SYNC: variants seen among roughly 807,000 people sequenced by gnomAD.
The protein encoded by SYNC is syncoilin, intermediate filament protein.
SYNC carries 38 observed loss-of-function variants against 49.5 expected under a neutral mutation model. The ratio of observed to expected loss-of-function variants is 0.77; its 90% CI spans 0.59 to 1.01. The LOEUF (loss-of-function observed/expected upper bound fraction) is 1.01. Ranked by LOEUF, SYNC falls within the 50% of genes least tolerant of loss-of-function variation. The pLI is 0.00. For synonymous variants in SYNC, 201 were observed against 230.8 expected (o/e 0.87, Z 1.17); for missense variants, 579 against 580.6 (o/e 1.00, Z 0.03).
rs770914750 is a variant in SYNC at position 32,702,650 on chromosome 1, G to C, written c.11C>G (p.Pro4Arg). Reference sequence around the variant, plus strand: ...GCCGTCCCCGCCGCGCCGGGGCTCCGGGCTGGCCATGGCTGCGCGACCCCG... The same window carrying C: ...GCCGTCCCCGCCGCGCCGGGGCTCCCGGCTGGCCATGGCTGCGCGACCCCG... MAS[P>R]EPRRGGDGAA... Residue 4 changes from proline (P) to arginine (R), a missense_variant, in exon 1 of 5, where the codon CCG becomes CGG. Transcript: ENST00000409190. The surrounding 1 kb of genome is among the most constrained non-coding windows in gnomAD (Gnocchi z 6.2). 1.3e-3 allele frequency: 1,517 copies of C among 1,207,870 alleles called. 8 individuals are homozygous for C. Among genetic ancestry groups the C allele is most frequent in the Non-Finnish European group, 7.4e-4 (723 of 973,188 alleles). The allele number at this position is 1,207,870 out of a possible 1,614,324, so 74.8% of individuals were successfully genotyped here. A position where few individuals can be genotyped will look rare whatever the true frequency, so the allele number is the denominator to read the frequency against.
chr1:32,680,678 G>A lies in SYNC; in HGVS notation c.*1172C>T, dbSNP rs759487344. 1 of 785,622 alleles carries A rather than the reference G, an allele frequency of 1.3e-6. No individual in the cohort carries two copies. Among genetic ancestry groups the A allele is most frequent in the Middle Eastern group, 2.8e-4 (1 of 3,528 alleles). 48.7% of individuals were successfully genotyped at this position (785,622 alleles called of 1,614,324 possible). A position where few individuals can be genotyped will look rare whatever the true frequency, so the allele number is the denominator to read the frequency against. ...ACCCCATGCTGATGGGTTTTATTTA[G>A]TATAAAACATCCATCAAACACCAGT... On this transcript the variant is annotated 3_prime_UTR_variant, in exon 5 of 5. Transcript: ENST00000409190.
At position 32,695,050 on chromosome 1, in the gene SYNC, G is replaced by A; in HGVS notation, c.1048C>T (p.Leu350Phe). ...EEEYEPQFLR[L>F]LERKEAGTKA... is the part of the protein sequence containing the mutation. ...GTCCCAGCTTCTTTCCTCTCTAGGA[G>A]CCGCAGGAACTGAGGCTCATACTCC... Residue 350 changes from leucine to phenylalanine, a missense_variant, in exon 2 of 5, where the codon CTC becomes TTC. Transcript: ENST00000409190. 1.2e-6 allele frequency: 2 copies of A among 1,613,686 alleles called. No individual in the cohort carries two copies. The highest frequency in any genetic ancestry group is 1.7e-6 in the Non-Finnish European group (2 of 1,179,972).
intron 2 of SYNC, among the ~76,000 whole-genome samples, chr1:32,693,457 A>G (rs894933903): frequency 2.0e-5 from 3 of 152,238 alleles, no homozygotes; most frequent in African/African-American, 7.2e-5. Flanking sequence ...CCATTTCAAC[A>G]GGGAAACTTG....
chr1:32,681,831 C>A lies in SYNC; in HGVS notation c.*19G>T. ...GAAGTTTTTTGCTGTTTCCGGGTTA[C>A]AGATTTGGCCATATATTTCTAAACA... On this transcript the variant is annotated 3_prime_UTR_variant, in exon 5 of 5. Transcript: ENST00000409190. 1.2e-6 allele frequency: 2 copies of A among 1,614,128 alleles called. No homozygotes were observed. The highest frequency in any genetic ancestry group is 2.2e-5 in the East Asian group (1 of 44,882).
chr1:32,681,706 G>T lies in SYNC; in HGVS notation c.*144C>A. 7.6e-7 allele frequency: 1 copy of T among 1,310,898 alleles called. No homozygotes were observed. Among genetic ancestry groups the T allele is most frequent in the Non-Finnish European group, 1.1e-6 (1 of 917,172 alleles). 81.2% of individuals were successfully genotyped at this position (1,310,898 alleles called of 1,614,324 possible). On this transcript the variant is annotated 3_prime_UTR_variant, in exon 5 of 5. Transcript: ENST00000409190. ...AGAATCTTTTTAAGCAGGTCAGCCA[G>T]TATTTGCAACTTCCACAGGATGAAT...
At position 32,702,453 on chromosome 1, in the gene SYNC, C is replaced by T. The variant is rs1259282583; in HGVS notation, c.53+155G>A. On this transcript the variant is annotated intron_variant, in intron 1 of 4. Coordinates refer to ENST00000409190, the MANE Select transcript of SYNC (RefSeq NM_030786.3). This position sits in a 1 kb window ranked among gnomAD's most constrained non-coding sequence, Gnocchi z 6.2. Reference sequence around the variant, plus strand: ...CAGGACCCCGGGACGGCCCGACTCCCCGATGTCCCCTCACGAGGCGGCTCC... The same window carrying T: ...CAGGACCCCGGGACGGCCCGACTCCTCGATGTCCCCTCACGAGGCGGCTCC... 6.6e-6 allele frequency among the ~76,000 whole-genome samples: 1 copy of T among 152,162 alleles called. No individual in the cohort carries two copies. Among genetic ancestry groups the T allele is most frequent in the East Asian group, 1.9e-4 (1 of 5,172 alleles).
At position 32,684,461 on chromosome 1, in the gene SYNC, T is replaced by G. The variant is rs1570894775; in HGVS notation, c.1234-79A>C. The G allele has an allele frequency of 2.5e-6, 4 of 1,592,802 alleles. No homozygotes were observed. The South Asian group carries it at 4.5e-5, about 18-fold the overall frequency. On this transcript the variant is annotated intron_variant, in intron 2 of 4. Transcript: ENST00000409190. ...TTGTCCACTCTTACTTATAAAACAC[T>G]TTTTTGTTCATTGTTTAATCTTGAT...
At position 32,695,838 on chromosome 1, in the gene SYNC, T is replaced by G; in HGVS notation, c.260A>C (p.Glu87Ala). 1 of 1,551,942 alleles carries G rather than the reference T, an allele frequency of 6.4e-7. No individual in the cohort carries two copies. Among genetic ancestry groups the G allele is most frequent in the African/African-American group, 1.4e-5 (1 of 73,144 alleles). ...EKAEEALYIE[E>A]AMQPDEALHV... ...CAGAGCCTCATCTGGCTGCATGGCC[T>G]CCTCAATATACAGGGCCTCCTCTGC... Residue 87 changes from glutamate (E) to alanine (A), a missense_variant, in exon 2 of 5, where the codon GAG (glutamate) becomes GCG (alanine). Transcript: ENST00000409190.
chr1:32,703,113 G>A (rs1650734679), upstream of SYNC: 1 of 152,170 alleles, frequency 6.6e-6, no homozygotes, highest in African/African-American at 2.4e-5. Context: ...GTGTTTGGGG[G>A]TGTCCGCTGC....
Position 32,680,706 on chromosome 1 carries a change from C to A in SYNC, c.*1144G>T. 1.6e-6 allele frequency: 1 copy of A among 639,754 alleles called. No individual in the cohort carries two copies. Among genetic ancestry groups the A allele is most frequent in the Non-Finnish European group, 2.6e-6 (1 of 382,766 alleles). 39.6% of individuals were successfully genotyped at this position (639,754 alleles called of 1,614,324 possible). A position where few individuals can be genotyped will look rare whatever the true frequency, so the allele number is the denominator to read the frequency against. Reference sequence around the variant, plus strand: ...TAAAACATCCATCAAACACCAGTCTCTGGCTTCTAGAAGAGTCCTTCAGAT... The same window carrying A: ...TAAAACATCCATCAAACACCAGTCTATGGCTTCTAGAAGAGTCCTTCAGAT... On this transcript the variant is annotated 3_prime_UTR_variant, in exon 5 of 5. Coordinates refer to ENST00000409190, the MANE Select transcript of SYNC (RefSeq NM_030786.3).
At chr1:32,696,606 C>G (rs558254375) in intron 1 of SYNC, among the ~76,000 whole-genome samples, 1 of 151,966 alleles carries the variant, frequency 6.6e-6, no homozygotes, top group Non-Finnish European at 1.5e-5. Flanking sequence ...CATACCACCA[C>G]GCCCGGCTAA....
intron 2 of SYNC, among the ~76,000 whole-genome samples, chr1:32,688,899 T>G (rs536980930): frequency 1.2e-3 from 174 of 151,172 alleles, no homozygotes; most frequent in Non-Finnish European, 2.1e-3. Context: ...ACAAACTCTT[T>G]GAGGGCAGGA....
At chr1:32,686,338 C>A (rs1400901287) in intron 2 of SYNC, 1 of 152,166 alleles carries the variant, frequency 6.6e-6, no homozygotes, top group Non-Finnish European at 1.5e-5. Flanking sequence ...GTTCCTGCCA[C>A]TTTTTTCACC....
At chr1:32,701,767 C>T (rs886765172) in intron 1 of SYNC, among the ~76,000 whole-genome samples, 1 of 152,204 alleles carries the variant, frequency 6.6e-6, no homozygotes, top group African/African-American at 2.4e-5. Context: ...GCCTCTGCCA[C>T]TCTGTCCCTG....
chr1:32,681,692 A>T lies in SYNC; in HGVS notation c.*158T>A. 9.0e-7 allele frequency: 1 copy of T among 1,114,266 alleles called. No individual in the cohort carries two copies. The highest frequency in any genetic ancestry group is 1.3e-6 in the Non-Finnish European group (1 of 753,112). The allele number at this position is 1,114,266 out of a possible 1,614,324, so 69.0% of individuals were successfully genotyped here. On this transcript the variant is annotated 3_prime_UTR_variant, in exon 5 of 5. Transcript: ENST00000409190. ...CTCCGGCCAACTCTAGAATCTTTTT[A>T]AGCAGGTCAGCCAGTATTTGCAACT... is the stretch of plus-strand genomic sequence containing the variant.
chr1:32,684,433 A>T (rs1649676507), intron 2 of SYNC, 51 bp from the exon 3 acceptor site: 1 of 1,612,124 alleles, frequency 6.2e-7, no homozygotes, highest in African/African-American at 1.3e-5. Flanking sequence ...ATAAAAACTC[A>T]CATTGTCCAC....
intron 2 of SYNC, among the ~76,000 whole-genome samples, chr1:32,689,972 T>C (rs1416864851): frequency 6.9e-6 from 1 of 144,790 alleles, no homozygotes; most frequent in Non-Finnish European, 1.5e-5. Context: ...GTTGATGAAA[T>C]AGAACTTTAG....
In SYNC at chr1:32,702,568, T is replaced by C; in HGVS notation, c.53+40A>G. 1 of 1,167,850 alleles carries C rather than the reference T, an allele frequency of 8.6e-7. No individual in the cohort carries two copies. 72.3% of individuals were successfully genotyped at this position (1,167,850 alleles called of 1,614,324 possible). On this transcript the variant is annotated intron_variant, in intron 1 of 4. Transcript: ENST00000409190. This position sits in a 1 kb window ranked among gnomAD's most constrained non-coding sequence, Gnocchi z 6.2. ...AGGGAACCCGTCCAGCAGCACCCCTTCCCCAGCGGGGCGGCGACGCGGGCC... is the reference window on the plus strand; with the variant it reads ...AGGGAACCCGTCCAGCAGCACCCCTCCCCCAGCGGGGCGGCGACGCGGGCC...
At position 32,681,182 on chromosome 1, in the gene SYNC, A is replaced by C. The variant is rs917018071; in HGVS notation, c.*668T>G. 1.3e-5 allele frequency: 2 copies of C among 152,452 alleles called. No homozygotes were observed. Among genetic ancestry groups the C allele is most frequent in the Admixed American group, 1.3e-4 (2 of 15,280 alleles). 9.4% of individuals were successfully genotyped at this position (152,452 alleles called of 1,614,324 possible). Reference sequence around the variant, plus strand: ...GAGTAGATCATTCTGACCCAGAACTACTTTCATGAGGTAAGATCTTTGGGA... The same window carrying C: ...GAGTAGATCATTCTGACCCAGAACTCCTTTCATGAGGTAAGATCTTTGGGA... On this transcript the variant is annotated 3_prime_UTR_variant, in exon 5 of 5. Transcript: ENST00000409190.
Sources: gnomAD v4.1 joint callset for allele counts (sites outside exome capture counted in the v4.1 genomes callset) on GRCh38, gnomAD v4.1.1 for gene constraint, Gnocchi (gnomAD v3.1) non-coding constraint, MANE v1.5 for transcripts, NCBI Gene and HGNC (gene_info 2026-07-23, HGNC 2026-07-21) for gene names.